The following RIMS2 variants were observed in gnomAD, a reference collection of about 807,000 sequenced individuals.
RIMS2 encodes regulating synaptic membrane exocytosis 2, also known as regulating synaptic membrane exocytosis protein 2.
In RIMS2, 59 loss-of-function variants were observed where a neutral mutation model predicts 174.4. The ratio of observed to expected loss-of-function variants is 0.34; its 90% CI spans 0.27 to 0.42. The LOEUF is 0.42. Ranked by LOEUF, RIMS2 falls within the 10% of genes least tolerant of loss-of-function variation. RIMS2 has a pLI of 1.00. For missense variants in RIMS2, 1,620 were observed against 1,666.3 expected (o/e 0.97, Z 0.48); for synonymous variants, 606 against 572.5 (o/e 1.06, Z -0.84).
chr8:104,248,083 G>T (rs1399080956), intron 20 of RIMS2, among the ~76,000 whole-genome samples: 1 of 152,138 alleles, frequency 6.6e-6, no homozygotes, highest in Non-Finnish European at 1.5e-5. Context: ...GGGAAATTGT[G>T]TCAAATGATC....
chr8:103,602,229 C>A (rs12681517), intron 1 of RIMS2, among the ~76,000 whole-genome samples: 2 of 152,070 alleles, frequency 1.3e-5, no homozygotes, highest in East Asian at 3.9e-4. Flanking sequence ...CCTCATGATC[C>A]GCCCGCCTCG....
At chr8:103,526,481 A>G (rs1206873586) in intron 1 of RIMS2, among the ~76,000 whole-genome samples, 5 of 152,246 alleles carry the variant, frequency 3.3e-5, no homozygotes, top group Admixed American at 2.6e-4. Context: ...AAGATAAACA[A>G]TAGACCATAG....
intron 3 of RIMS2, among the ~76,000 whole-genome samples, chr8:103,827,549 C>T (rs957141029): frequency 5.9e-5 from 9 of 152,160 alleles, no homozygotes; most frequent in African/African-American, 1.9e-4. Flanking sequence ...AAAATAATCA[C>T]GAATGGGTTG....
intron 1 of RIMS2, among the ~76,000 whole-genome samples, chr8:103,564,915 G>A (rs1461480933): frequency 6.6e-6 from 1 of 152,164 alleles, no homozygotes; most frequent in Non-Finnish European, 1.5e-5. Flanking sequence ...AGGTGTGGTA[G>A]GTGTGGTTAT....
At chr8:103,715,301 C>T (rs1171534018) in intron 2 of RIMS2, among the ~76,000 whole-genome samples, 3 of 152,152 alleles carry the variant, frequency 2.0e-5, no homozygotes, top group Non-Finnish European at 4.4e-5. Context: ...GCTATTTTTC[C>T]TGATGCTTTA....
intron 4 of RIMS2, among the ~76,000 whole-genome samples, chr8:103,903,454 T>C (rs2073676534): frequency 6.6e-6 from 1 of 152,162 alleles, no homozygotes; most frequent in South Asian, 2.1e-4. Flanking sequence ...TAATGAACTA[T>C]TGTCTTAATG....
At chr8:104,018,268 G>T (rs185877912) in intron 19 of RIMS2, among the ~76,000 whole-genome samples, 1 of 152,280 alleles carries the variant, frequency 6.6e-6, no homozygotes, top group East Asian at 1.9e-4. Context: ...GGGAGAAGAG[G>T]TCAAGGCAGG....
intron 3 of RIMS2, among the ~76,000 whole-genome samples, chr8:103,818,541 T>C (rs546017233): frequency 2.6e-5 from 4 of 152,292 alleles, no homozygotes; most frequent in South Asian, 2.1e-4. Flanking sequence ...ACCACCATTA[T>C]TGAAATAAAT....
chr8:104,096,150 A>G (rs2097758859), intron 19 of RIMS2, among the ~76,000 whole-genome samples: 1 of 151,956 alleles, frequency 6.6e-6, no homozygotes, highest in South Asian at 2.1e-4. Context: ...AAGCTTTCCA[A>G]GGTGTCCTTG....
chr8:104,031,815 A>G (rs1016469489), intron 19 of RIMS2, among the ~76,000 whole-genome samples: 10 of 152,120 alleles, frequency 6.6e-5, no homozygotes, highest in African/African-American at 2.4e-4. Context: ...GACTACAAGC[A>G]TTGCATTTCA....
At chr8:103,750,640 C>G (rs1019973107) in intron 2 of RIMS2, among the ~76,000 whole-genome samples, 1 of 152,136 alleles carries the variant, frequency 6.6e-6, no homozygotes, top group South Asian at 2.1e-4. Flanking sequence ...GCGGTTTACC[C>G]CATGTTGTTC....
At chr8:103,611,900 C>T (rs1463214512) in intron 1 of RIMS2, among the ~76,000 whole-genome samples, 2 of 151,882 alleles carry the variant, frequency 1.3e-5, no homozygotes, top group African/African-American at 4.8e-5. Context: ...TCTTTAAGGC[C>T]AATGATTCTT....
intron 19 of RIMS2, among the ~76,000 whole-genome samples, chr8:104,049,447 CAAAA>C (rs540108708): frequency 1.3e-5 from 2 of 151,792 alleles, no homozygotes; most frequent in South Asian, 2.1e-4. Flanking sequence ...AACAAACAAA[CAAAA>C]AAACCCGAAG....
chr8:103,943,278 AATT>A (rs2082963363), intron 14 of RIMS2, among the ~76,000 whole-genome samples: 1 of 152,146 alleles, frequency 6.6e-6, no homozygotes, highest in Non-Finnish European at 1.5e-5. Flanking sequence ...GTATACACAA[AATT>A]ATCATTTCCT....
intron 4 of RIMS2, among the ~76,000 whole-genome samples, chr8:103,886,819 C>T (rs1164112412): frequency 6.6e-6 from 1 of 150,620 alleles, no homozygotes; most frequent in African/African-American, 2.4e-5. Flanking sequence ...TTTAGTAATA[C>T]GTTTTAAATA....
In RIMS2 at chr8:103,916,609, A is replaced by G. The variant is rs1051298965; in HGVS notation, c.2036+72A>G. On this transcript the variant is annotated intron_variant, in intron 8 of 23. Transcript: ENST00000504942. ...TAAACAATATGTAATGTGCCATTTA[A>G]TAATTTCTGATTGCTTTATGGAAAT... is the stretch of plus-strand genomic sequence containing the variant. 3 of 1,168,102 alleles carry G rather than the reference A, an allele frequency of 2.6e-6. No individual in the cohort carries two copies. In the African/African-American group the frequency reaches 4.6e-5, roughly 18 times the overall value. The allele number at this position is 1,168,102 out of a possible 1,614,324, so 72.4% of individuals were successfully genotyped here.
chr8:104,251,668 T>C, exon 24 of RIMS2: 1 of 1,610,770 alleles, frequency 6.2e-7, no homozygotes, highest in Non-Finnish European at 8.5e-7. Flanking sequence ...CCAGATACTT[T>C]TAGATGAACT....
intron 19 of RIMS2, among the ~76,000 whole-genome samples, chr8:104,079,214 AAG>A (rs2097358818): frequency 6.6e-6 from 1 of 152,182 alleles, no homozygotes; most frequent in East Asian, 1.9e-4. Flanking sequence ...AAAACTGACA[AAG>A]AGAGAATTGT....
chr8:103,915,516 G>C, exon 7 of RIMS2: 1 of 1,601,684 alleles, frequency 6.2e-7, no homozygotes, highest in African/African-American at 1.3e-5. Flanking sequence ...AAAGATGACT[G>C]AATCAGGTCG....
Sources: gnomAD v4.1 joint callset for allele counts (sites outside exome capture counted in the v4.1 genomes callset) on GRCh38, gnomAD v4.1.1 for gene constraint, MANE v1.5 for transcripts, NCBI Gene and HGNC (gene_info 2026-07-23, HGNC 2026-07-21) for gene names.